The following MIPOL1 variants were observed in gnomAD, a reference collection of about 807,000 sequenced individuals.
The protein encoded by MIPOL1 is mirror-image polydactyly gene 1 protein.
A neutral mutation model predicts 60.9 loss-of-function variants in MIPOL1; 57 were observed. The ratio of observed to expected loss-of-function variants is 0.94; its 90% confidence interval spans 0.76 to 1.17. The LOEUF (loss-of-function observed/expected upper bound fraction) is 1.17, where lower values mean the gene tolerates loss of function less well. Among genes scored for constraint, MIPOL1 ranks in the 50% most tolerant of loss-of-function variants. The pLI is 0.00. For synonymous variants in MIPOL1, 179 were observed against 168.8 expected, an observed-to-expected ratio of 1.06 and a Z score of -0.47; for missense variants, 551 against 511.6, an observed-to-expected ratio of 1.08 and a Z score of -0.74.
intron 10 of MIPOL1, among the ~76,000 whole-genome samples, chr14:37,405,687 T>A (rs772005265): frequency 1.5e-4 from 23 of 152,002 alleles, no homozygotes; most frequent in Non-Finnish European, 4.4e-5. Flanking sequence ...TTTATTTGAA[T>A]ACTTTTAGTA....
chr14:37,327,511 T>C (rs1474887), intron 9 of MIPOL1, among the ~76,000 whole-genome samples: 147,801 of 152,310 alleles, frequency 0.97, 71,778 homozygotes, highest in East Asian at 1. Context: ...TGGTCTCGAA[T>C]TGGGCTTAAG....
rs570239739 is a variant in MIPOL1 at position 37,517,301 on chromosome 14, A to G, written c.1262+17163A>G. Among the ~76,000 whole-genome samples, 13 of 152,340 alleles carry G rather than the reference A, an allele frequency of 8.5e-5. No homozygotes were observed. In the East Asian group the frequency reaches 2.3e-3, roughly 27 times the overall value. ...ATATATTTTTAATTAAAACATTATGATCACCTGTTTGGAAACAGAAAGGGA... is the reference window on the plus strand; with the variant it reads ...ATATATTTTTAATTAAAACATTATGGTCACCTGTTTGGAAACAGAAAGGGA... On this transcript the variant is annotated intron_variant, in intron 12 of 12. Transcript: ENST00000684589.
chr14:37,530,125 G>A (rs1316764365), intron 12 of MIPOL1, among the ~76,000 whole-genome samples: 1 of 152,080 alleles, frequency 6.6e-6, no homozygotes, highest in East Asian at 1.9e-4. Flanking sequence ...CAGTGAGAAT[G>A]GGAGGAAGAA....
intron 11 of MIPOL1, among the ~76,000 whole-genome samples, chr14:37,462,224 C>T (rs1339926816): frequency 2.0e-5 from 3 of 152,254 alleles, no homozygotes; most frequent in Non-Finnish European, 2.9e-5. Flanking sequence ...GCTGCCAAGG[C>T]TTGAGGCTTG....
chr14:37,357,698 C>A (rs2091939972), intron 9 of MIPOL1, among the ~76,000 whole-genome samples: 1 of 151,728 alleles, frequency 6.6e-6, no homozygotes, highest in Non-Finnish European at 1.5e-5. Context: ...TATTTTCTCC[C>A]ATTCTGTAGG....
chr14:37,410,647 CTA>C (rs2093666479), intron 10 of MIPOL1, among the ~76,000 whole-genome samples: 1 of 151,968 alleles, frequency 6.6e-6, no homozygotes, highest in Admixed American at 6.6e-5. Flanking sequence ...TGGTTTAAAA[CTA>C]TGTAAAAAGA....
chr14:37,215,517 A>G (rs2139393286), intron 1 of MIPOL1, among the ~76,000 whole-genome samples: 1 of 152,330 alleles, frequency 6.6e-6, no homozygotes, highest in Middle Eastern at 3.4e-3. Context: ...AAGAAACTGG[A>G]TGACATCACC....
chr14:37,367,414 T>C (rs2092507874), intron 9 of MIPOL1, among the ~76,000 whole-genome samples: 1 of 152,092 alleles, frequency 6.6e-6, no homozygotes, highest in Non-Finnish European at 1.5e-5. Flanking sequence ...TGAGCATGAA[T>C]GAGTGAATTT....
chr14:37,356,312 C>G (rs965866011), intron 9 of MIPOL1, among the ~76,000 whole-genome samples: 2 of 151,762 alleles, frequency 1.3e-5, no homozygotes, highest in Non-Finnish European at 2.9e-5. Context: ...CTCTTCAAAG[C>G]TGTCAGACAG....
At chr14:37,308,826 G>A (rs1469628484) in intron 9 of MIPOL1, among the ~76,000 whole-genome samples, 1 of 151,912 alleles carries the variant, frequency 6.6e-6, no homozygotes, top group African/African-American at 2.4e-5. Context: ...TTTTATATGG[G>A]ACTTCTTACT....
chr14:37,200,686 T>TG, intron 1 of MIPOL1, among the ~76,000 whole-genome samples: 2 of 150,862 alleles, frequency 1.3e-5, no homozygotes, highest in African/African-American at 4.9e-5. Flanking sequence ...TTTTTTTTTT[T>TG]TAACACAGTC....
intron 10 of MIPOL1, among the ~76,000 whole-genome samples, chr14:37,390,854 A>G (rs948817379): frequency 6.6e-6 from 1 of 152,006 alleles, no homozygotes; most frequent in Non-Finnish European, 1.5e-5. Context: ...CGTGACAAGC[A>G]GAAGTTGACA....
At chr14:37,545,767 A>C (rs1465269728) in intron 12 of MIPOL1, 2 of 571,770 alleles carry the variant, frequency 3.5e-6, no homozygotes, top group Admixed American at 6.6e-5. Context: ...AATCATCTAA[A>C]CCAGCTTTGT....
intron 10 of MIPOL1, among the ~76,000 whole-genome samples, chr14:37,391,692 C>A (rs1354725993): frequency 6.6e-6 from 1 of 152,136 alleles, no homozygotes; most frequent in Non-Finnish European, 1.5e-5. Context: ...CCGTGCCCAG[C>A]CACTTATTCA....
intron 7 of MIPOL1, among the ~76,000 whole-genome samples, chr14:37,299,512 T>A (rs1332039486): frequency 1.3e-5 from 2 of 152,012 alleles, no homozygotes; most frequent in East Asian, 3.9e-4. Context: ...TTAAGTTGCA[T>A]ATTCTGTTCA....
At chr14:37,467,426 A>T (rs1190982481) in intron 11 of MIPOL1, among the ~76,000 whole-genome samples, 1 of 152,222 alleles carries the variant, frequency 6.6e-6, no homozygotes, top group African/African-American at 2.4e-5. Context: ...CAAAATTATG[A>T]TAAATATCAT....
intron 12 of MIPOL1, among the ~76,000 whole-genome samples, chr14:37,511,852 C>T (rs2095330216): frequency 6.6e-6 from 1 of 151,956 alleles, no homozygotes; most frequent in African/African-American, 2.4e-5. Context: ...CCCTCATAAA[C>T]TATATGAAGA....
In MIPOL1 at chr14:37,296,859, C is replaced by T. The variant is rs868509433; in HGVS notation, c.624-11197C>T. Among the ~76,000 whole-genome samples the T allele has an allele frequency of 2.4e-3, 372 of 152,154 alleles. 2 individuals are homozygous for T. The highest frequency in any genetic ancestry group is 8.0e-3 in the African/African-American group (332 of 41,506). On this transcript the variant is annotated intron_variant, in intron 7 of 12. Transcript: ENST00000684589. The stretch of plus-strand genomic sequence containing the variant: ...GTCCAGGACCAGATGGATTCACAGC[C>T]GAATTCTACCAGAGGTACAAGGAGG...
At chr14:37,372,745 A>G (rs2092674094) in intron 10 of MIPOL1, among the ~76,000 whole-genome samples, 1 of 92,354 alleles carries the variant, frequency 1.1e-5, no homozygotes, top group Non-Finnish European at 2.2e-5. Context: ...ACAGAGTGAG[A>G]CTCCGTCTCA....
Sources: gnomAD v4.1 joint callset for allele counts (sites outside exome capture counted in the v4.1 genomes callset) on GRCh38, gnomAD v4.1.1 for gene constraint, MANE v1.5 for transcripts, NCBI Gene and HGNC (gene_info 2026-07-23, HGNC 2026-07-21) for gene names.